The following NUP93 variants were observed in gnomAD, a reference collection of about 807,000 sequenced individuals.
The protein encoded by NUP93 is nucleoporin 93.
NUP93 carries 55 observed loss-of-function variants against 107.8 expected under a neutral mutation model. The observed-to-expected ratio is 0.51, with a 90% CI of 0.41 to 0.64. The LOEUF is 0.64. Ranked by LOEUF, NUP93 falls within the 30% of genes least tolerant of loss-of-function variation. NUP93 has a pLI of 0.00. For synonymous variants in NUP93, 390 were observed against 397.5 expected (o/e 0.98, Z 0.22); for missense variants, 937 against 1,044.7 (o/e 0.90, Z 1.42).
At chr16:56,811,447 GT>G (rs1332463745) in intron 5 of NUP93, among the ~76,000 whole-genome samples, 4 of 152,042 alleles carry the variant, frequency 2.6e-5, no homozygotes, top group African/African-American at 9.6e-5. Context: ...CATAAGACAG[GT>G]TTTGGTATTC....
chr16:56,781,213 A>G (rs1676196804), intron 3 of NUP93, among the ~76,000 whole-genome samples: 1 of 152,194 alleles, frequency 6.6e-6, no homozygotes, highest in South Asian at 2.1e-4. Context: ...AAAGGTCTGC[A>G]TTTTCCTGTG....
At position 56,817,601 on chromosome 16, in the gene NUP93, T is replaced by G. The variant is rs1041957636; in HGVS notation, c.490-1063T>G. Among the ~76,000 whole-genome samples, 3 of 152,218 alleles carry G rather than the reference T, an allele frequency of 2.0e-5. No individual in the cohort carries two copies. In the East Asian group the frequency reaches 5.8e-4, roughly 29 times the overall value. On this transcript the variant is annotated intron_variant, in intron 5 of 21. Coordinates refer to ENST00000308159, the MANE Select transcript of NUP93 (RefSeq NM_014669.5). The stretch of plus-strand genomic sequence containing the variant: ...AATTTACCTAATTTTGATCTGTATT[T>G]CTTTACAGAAGAAATAAGCTTGGCT...
chr16:56,741,903 G>A (rs1234291484), intron 1 of NUP93: 3 of 152,182 alleles, frequency 2.0e-5, no homozygotes, highest in Admixed American at 6.5e-5. Flanking sequence ...AAAATAGCTG[G>A]TGTCATCTCC....
intron 3 of NUP93, among the ~76,000 whole-genome samples, chr16:56,768,733 G>A (rs575107817): frequency 9.9e-5 from 15 of 151,698 alleles, no homozygotes; most frequent in Admixed American, 8.5e-4. Context: ...CTGGTGTGGT[G>A]GCGGGCGCCT....
At position 56,848,891 on chromosome 16, in the gene NUP93, G is replaced by A. The variant is rs1812992105; in HGVS notation, c.*4282G>A. ...CTTTAAAAGTAGGCTCGTTTTTTTC[G>A]TTTTTTTGTCCAGGATCACCTAAGT... On this transcript the variant is annotated 3_prime_UTR_variant, in exon 22 of 22. Coordinates refer to ENST00000308159, the MANE Select transcript of NUP93 (RefSeq NM_014669.5). 6.6e-6 allele frequency: 1 copy of A among 152,002 alleles called. No individual in the cohort carries two copies. 9.4% of individuals were successfully genotyped at this position (152,002 alleles called of 1,614,324 possible).
intron 3 of NUP93, among the ~76,000 whole-genome samples, chr16:56,773,412 G>A (rs1170669932): frequency 6.6e-6 from 1 of 152,220 alleles, no homozygotes; most frequent in Non-Finnish European, 1.5e-5. Context: ...CAGGCATCTA[G>A]GCTTTTCCTT....
chr16:56,784,474 A>G (rs1962583328), intron 3 of NUP93, among the ~76,000 whole-genome samples: 2 of 152,220 alleles, frequency 1.3e-5, no homozygotes, highest in African/African-American at 4.8e-5. Context: ...GTGACTTCAA[A>G]GCTGCTTGTG....
chr16:56,843,447 T>A (rs1017721128), intron 21 of NUP93, among the ~76,000 whole-genome samples: 15 of 152,120 alleles, frequency 9.9e-5, no homozygotes, highest in Admixed American at 7.2e-4. Flanking sequence ...TTTCTTTCTT[T>A]TTCTGAAAGG....
Position 56,823,773 on chromosome 16 carries a change from GC to G in NUP93, c.724del (p.Leu242Ter), listed in dbSNP as rs1963598877. 6.2e-7 allele frequency: 1 copy of G among 1,614,070 alleles called. No individual in the cohort carries two copies. The highest frequency in any genetic ancestry group is 8.5e-7 in the Non-Finnish European group (1 of 1,180,022). On this transcript the variant is annotated frameshift_variant, in exon 8 of 22. Transcript: ENST00000308159. LOFTEE classifies it high-confidence loss of function. ...CGTGTTGTTGACACCGGCAACGGAT[GC>G]CCTGAAGAACCGCAGCAGCGTGGAA... is the stretch of plus-strand genomic sequence containing the variant. ...TDVLLTPATD[A>X]LKNRSSVEVR...
intron 2 of NUP93, among the ~76,000 whole-genome samples, chr16:56,753,196 G>A (rs1405028065): frequency 2.6e-5 from 4 of 152,134 alleles, no homozygotes; most frequent in Admixed American, 2.6e-4. Flanking sequence ...TAATGAAGAT[G>A]GAATTAGGAT....
At chr16:56,737,167 A>C (rs1961627482) in intron 1 of NUP93, among the ~76,000 whole-genome samples, 1 of 152,210 alleles carries the variant, frequency 6.6e-6, no homozygotes. Context: ...CTTAAACAGA[A>C]ATTTATTTCC....
In NUP93 at chr16:56,848,077, T is replaced by C. The variant is rs973992642; in HGVS notation, c.*3468T>C. ...TGCAGCTCTGCCAACGCCTTCCTGCTTTAGACTGGATCTCTACTATCCTTT... is the reference window on the plus strand; with the variant it reads ...TGCAGCTCTGCCAACGCCTTCCTGCCTTAGACTGGATCTCTACTATCCTTT... On this transcript the variant is annotated 3_prime_UTR_variant, in exon 22 of 22. Coordinates refer to ENST00000308159, the MANE Select transcript of NUP93 (RefSeq NM_014669.5). 8.5e-5 allele frequency: 13 copies of C among 152,260 alleles called. No individual in the cohort carries two copies. Among genetic ancestry groups the C allele is most frequent in the African/African-American group, 3.1e-4 (13 of 41,476 alleles). 9.4% of individuals were successfully genotyped at this position (152,260 alleles called of 1,614,324 possible). A position where few individuals can be genotyped will look rare whatever the true frequency, so the allele number is the denominator to read the frequency against.
chr16:56,781,222 T>C (rs1214413250), intron 3 of NUP93, among the ~76,000 whole-genome samples: 1 of 152,222 alleles, frequency 6.6e-6, no homozygotes, highest in Non-Finnish European at 1.5e-5. Context: ...CATTTTCCTG[T>C]GTCAGTGACA....
chr16:56,824,023 T>C (rs1963605838), intron 8 of NUP93, among the ~76,000 whole-genome samples, 177 bp downstream of exon 8: 1 of 152,206 alleles, frequency 6.6e-6, no homozygotes, highest in South Asian at 2.1e-4. Flanking sequence ...TTCACTTCCC[T>C]ACCAGGACTG....
At chr16:56,770,151 G>A (rs184567275) in intron 3 of NUP93, among the ~76,000 whole-genome samples, 87 of 152,322 alleles carry the variant, frequency 5.7e-4, no homozygotes, top group Non-Finnish European at 9.6e-4. Flanking sequence ...ACAGAATCAG[G>A]AAGAGAAGAC....
intron 2 of NUP93, among the ~76,000 whole-genome samples, chr16:56,753,973 A>AT (rs568049501): frequency 0.046 from 6,719 of 146,318 alleles, 194 homozygotes; most frequent in African/African-American, 0.081. Context: ...TACTATTTTA[A>AT]TTTTTTTTTT....
intron 3 of NUP93, among the ~76,000 whole-genome samples, chr16:56,798,051 T>C (rs1962938672): frequency 1.3e-5 from 2 of 152,204 alleles, no homozygotes; most frequent in Admixed American, 6.5e-5. Context: ...CATAGACAAG[T>C]GGGCAATGAT....
chr16:56,844,933 C>G lies in NUP93; in HGVS notation c.*324C>G. 1 of 366,730 alleles carries G rather than the reference C, an allele frequency of 2.7e-6. No homozygotes were observed. The highest frequency in any genetic ancestry group is 4.8e-6 in the Non-Finnish European group (1 of 207,378). 22.7% of individuals were successfully genotyped at this position (366,730 alleles called of 1,614,324 possible). On this transcript the variant is annotated 3_prime_UTR_variant, in exon 22 of 22. Coordinates refer to ENST00000308159, the MANE Select transcript of NUP93 (RefSeq NM_014669.5). ...TGACCTTAATTAATTAAAAATCTAC[C>G]CAAAATGAGCCAGGAAACAAAGCCT... is the stretch of plus-strand genomic sequence containing the variant.
At chr16:56,798,684 A>G (rs1962953417) in intron 4 of NUP93, 146 bp downstream of exon 4, 8 of 670,170 alleles carry the variant, frequency 1.2e-5, no homozygotes, top group South Asian at 1.1e-4. Flanking sequence ...CCTAGGCAAC[A>G]TAGTGAGACC....
Sources: gnomAD v4.1 joint callset for allele counts (sites outside exome capture counted in the v4.1 genomes callset) on GRCh38, gnomAD v4.1.1 for gene constraint, MANE v1.5 for transcripts, NCBI Gene and HGNC (gene_info 2026-07-23, HGNC 2026-07-21) for gene names.